The following SV2C variants were observed in gnomAD, a reference collection of about 807,000 sequenced individuals.
SV2C encodes the protein solute carrier family 22 member B3.
Under a neutral mutation model 79.7 loss-of-function variants are expected in SV2C, and 49 were observed. That is an observed-to-expected ratio of 0.61 (90% confidence interval 0.49 to 0.78). The LOEUF (loss-of-function observed/expected upper bound fraction) is 0.78, where lower values mean the gene tolerates loss of function less well. SV2C is among the 30% of genes least tolerant of loss of function. The pLI is 0.00. For missense variants in SV2C, 833 were observed against 912.9 expected (o/e 0.91, Z 1.13); for synonymous variants, 334 against 333.2 (o/e 1.00, Z -0.03).
At chr5:75,908,874 AT>A in the SV2C span, among the ~76,000 whole-genome samples, 1 of 152,216 alleles carries the variant, frequency 6.6e-6, no homozygotes, top group Non-Finnish European at 1.5e-5. Context: ...ATCGTGTATA[AT>A]AAACTCTTAT....
the SV2C span, among the ~76,000 whole-genome samples, chr5:76,037,692 T>A: frequency 2.0e-5 from 3 of 152,166 alleles, no homozygotes; most frequent in Non-Finnish European, 4.4e-5. Flanking sequence ...GTTACTGCTG[T>A]CTTTTTGTTT....
chr5:75,946,142 G>A, the SV2C span, among the ~76,000 whole-genome samples: 174 of 152,060 alleles, frequency 1.1e-3, 1 homozygote, highest in African/African-American at 3.7e-3. Context: ...GAATTGATGA[G>A]TCTCTACCTG....
chr5:76,019,093 A>G, the SV2C span, among the ~76,000 whole-genome samples: 1 of 152,174 alleles, frequency 6.6e-6, no homozygotes, highest in African/African-American at 2.4e-5. Flanking sequence ...AAAGAGAGAG[A>G]GAGAAAATAA....
the SV2C span, among the ~76,000 whole-genome samples, chr5:75,900,248 G>A: frequency 6.6e-6 from 1 of 152,066 alleles, no homozygotes; most frequent in Non-Finnish European, 1.5e-5. Context: ...AGCTCTTTTA[G>A]GGCAGGCCTG....
intron 2 of SV2C, among the ~76,000 whole-genome samples, chr5:76,143,094 C>T (rs1749310975): frequency 6.6e-6 from 1 of 152,016 alleles, no homozygotes; most frequent in Admixed American, 6.6e-5. Context: ...TGGGGTTTCA[C>T]CATGTTGGCC....
intron 1 of SV2C, among the ~76,000 whole-genome samples, chr5:76,094,180 A>G (rs921294696): frequency 2.6e-5 from 4 of 152,208 alleles, no homozygotes; most frequent in African/African-American, 9.6e-5. Context: ...TGTTTTATCA[A>G]TTAAATTCAT....
the SV2C span, among the ~76,000 whole-genome samples, chr5:75,952,708 G>T: frequency 0.012 from 1,800 of 151,840 alleles, 38 homozygotes; most frequent in African/African-American, 0.041. Flanking sequence ...ATGCTCCTGA[G>T]GACTCACCAG....
chr5:76,002,588 A>G, the SV2C span, among the ~76,000 whole-genome samples: 1 of 152,208 alleles, frequency 6.6e-6, no homozygotes, highest in East Asian at 1.9e-4. Flanking sequence ...ATCTCAATTA[A>G]GTTGTTTATA....
chr5:76,114,541 C>T (rs73130245), intron 1 of SV2C, among the ~76,000 whole-genome samples: 5,842 of 152,204 alleles, frequency 0.038, 362 homozygotes, highest in African/African-American at 0.13. Context: ...GGAATGAGGC[C>T]GACTTGATCA....
the SV2C span, among the ~76,000 whole-genome samples, chr5:76,001,657 A>G: frequency 2.6e-5 from 4 of 152,142 alleles, no homozygotes; most frequent in Non-Finnish European, 4.4e-5. Context: ...TAAATACGCT[A>G]TTTACAGGGA....
At chr5:76,041,741 A>T in the SV2C span, among the ~76,000 whole-genome samples, 1 of 152,134 alleles carries the variant, frequency 6.6e-6, no homozygotes, top group African/African-American at 2.4e-5. Context: ...TAAGTGCAAG[A>T]TCTGCCCATC....
intron 12 of SV2C, among the ~76,000 whole-genome samples, chr5:76,349,902 C>T (rs947732307): frequency 6.6e-6 from 1 of 152,060 alleles, no homozygotes; most frequent in African/African-American, 2.4e-5. Flanking sequence ...AGAGTAATAA[C>T]CCCAGGTATG....
In SV2C at chr5:76,209,702, C is replaced by A. The variant is rs772536908; in HGVS notation, c.762-34C>A. The A allele has an allele frequency of 9.4e-6, 15 of 1,602,872 alleles. No individual in the cohort carries two copies. In the East Asian group the frequency reaches 2.2e-4, roughly 24 times the overall value. On this transcript the variant is annotated intron_variant, in intron 3 of 12. Transcript: ENST00000502798. ...TGCGTCTCACATGAGCTGTCCACAC[C>A]CTGATTTCATGTATTCTCTGTACCT...
intron 2 of SV2C, among the ~76,000 whole-genome samples, chr5:76,185,960 A>G (rs73113744): frequency 0.028 from 4,312 of 152,214 alleles, 185 homozygotes; most frequent in African/African-American, 0.098. Flanking sequence ...CCTCTTGAAC[A>G]CTTTGTGGCT....
chr5:76,072,528 G>A, the SV2C span, among the ~76,000 whole-genome samples: 1 of 152,188 alleles, frequency 6.6e-6, no homozygotes, highest in Non-Finnish European at 1.5e-5. Context: ...CAGAATTACA[G>A]TAGAGAAGGT....
At chr5:76,085,622 C>A (rs1185345678) in intron 1 of SV2C, among the ~76,000 whole-genome samples, 1 of 152,048 alleles carries the variant, frequency 6.6e-6, no homozygotes, top group African/African-American at 2.4e-5. Flanking sequence ...CACCATTTCC[C>A]CAAATATTGT....
chr5:76,118,348 C>T (rs1748350727), intron 1 of SV2C, among the ~76,000 whole-genome samples: 1 of 152,150 alleles, frequency 6.6e-6, no homozygotes, highest in South Asian at 2.1e-4. Context: ...ACGATTATTT[C>T]ATCTCACAAT....
At chr5:76,162,350 G>T (rs1742920667) in intron 2 of SV2C, among the ~76,000 whole-genome samples, 1 of 152,136 alleles carries the variant, frequency 6.6e-6, no homozygotes, top group Admixed American at 6.5e-5. Context: ...TACAAATATT[G>T]TAACTTATTT....
At chr5:75,904,923 G>C in the SV2C span, among the ~76,000 whole-genome samples, 1 of 152,172 alleles carries the variant, frequency 6.6e-6, no homozygotes, top group Non-Finnish European at 1.5e-5. Context: ...AGAAAACAGA[G>C]TCCCTTCTGA....
Sources: gnomAD v4.1 joint callset for allele counts (sites outside exome capture counted in the v4.1 genomes callset) on GRCh38, gnomAD v4.1.1 for gene constraint, MANE v1.5 for transcripts, NCBI Gene and HGNC (gene_info 2026-07-23, HGNC 2026-07-21) for gene names.